CDH19: variants seen among roughly 807,000 people sequenced by gnomAD.
CDH19 encodes the protein cadherin 19, also known as cadherin-19.
Under a neutral mutation model 64.2 loss-of-function variants are expected in CDH19, and 67 were observed. The ratio of observed to expected loss-of-function variants is 1.04; its 90% CI spans 0.86 to 1.28. The LOEUF (loss-of-function observed/expected upper bound fraction) is 1.28, where lower values mean the gene tolerates loss of function less well. Among genes scored for constraint, CDH19 ranks in the 50% most tolerant of loss-of-function variants. The pLI is 0.00. For missense variants in CDH19, 1,030 were observed against 929.0 expected (o/e 1.11, Z -1.41); for synonymous variants, 346 against 319.3 (o/e 1.08, Z -0.89).
In CDH19 at chr18:66,554,358, C is replaced by T. The variant is rs749805126; in HGVS notation, c.610+47G>A. ...AGCAGATAATTTTTGCTGACAATTG[C>T]CTTCTTTAGAATCATGTTAAACTTT... On this transcript the variant is annotated intron_variant, in intron 4 of 11. Coordinates refer to ENST00000262150, the MANE Select transcript of CDH19 (RefSeq NM_021153.4). 8 of 1,595,510 alleles carry T rather than the reference C, an allele frequency of 5.0e-6. No individual in the cohort carries two copies. In the African/African-American group the frequency reaches 5.4e-5, roughly 11 times the overall value.
chr18:66,571,157 A>G (rs2144579234), intron 2 of CDH19, among the ~76,000 whole-genome samples: 1 of 151,632 alleles, frequency 6.6e-6, no homozygotes, highest in East Asian at 1.9e-4. Context: ...ATACTTGCCT[A>G]AAATCCTAAT....
chr18:66,573,631 T>TA (rs58140782), intron 1 of CDH19, among the ~76,000 whole-genome samples: 93,102 of 151,036 alleles, frequency 0.62, 29,631 homozygotes, highest in African/African-American at 0.76. Flanking sequence ...ATGAAAAAGA[T>TA]TTTTTTTATA....
chr18:66,527,693 G>T (rs1986277367), intron 9 of CDH19, among the ~76,000 whole-genome samples: 1 of 151,992 alleles, frequency 6.6e-6, no homozygotes, highest in Admixed American at 6.6e-5. Context: ...CAGGGAGGTT[G>T]CAGTGAGCCA....
At position 66,529,968 on chromosome 18, in the gene CDH19, T is replaced by C; in HGVS notation, c.1337-2A>G. ...TCGAAGAGATCTGTTCTATATTGTC[T>C]GCAATTTGAATATATATAATAAAAA... On this transcript the variant is annotated splice_acceptor_variant, in intron 8 of 11. Coordinates refer to ENST00000262150, the MANE Select transcript of CDH19 (RefSeq NM_021153.4). LOFTEE classifies it high-confidence loss of function. 4 of 1,463,838 alleles carry C rather than the reference T, an allele frequency of 2.7e-6. No homozygotes were observed. Among genetic ancestry groups the C allele is most frequent in the East Asian group, 2.4e-5 (1 of 41,344 alleles). The allele number at this position is 1,463,838 out of a possible 1,614,324, so 90.7% of individuals were successfully genotyped here.
intron 9 of CDH19, among the ~76,000 whole-genome samples, chr18:66,522,411 C>G (rs1041731579): frequency 6.6e-6 from 1 of 152,002 alleles, no homozygotes; most frequent in African/African-American, 2.4e-5. Flanking sequence ...CCACTACGCC[C>G]GGCTAATTTC....
chr18:66,504,728 A>G lies in CDH19; in HGVS notation c.*84T>C. On this transcript the variant is annotated 3_prime_UTR_variant, in exon 12 of 12. Transcript: ENST00000262150. Reference sequence around the variant, plus strand: ...CATAGACTAGGGCTTTCCCCGCCATAGAGCCAGGGCACAAAACTCTTTAAG... The same window carrying G: ...CATAGACTAGGGCTTTCCCCGCCATGGAGCCAGGGCACAAAACTCTTTAAG... 7.1e-7 allele frequency: 1 copy of G among 1,407,812 alleles called. No individual in the cohort carries two copies. Among genetic ancestry groups the G allele is most frequent in the Non-Finnish European group, 9.6e-7 (1 of 1,043,176 alleles). The allele number at this position is 1,407,812 out of a possible 1,614,324, so 87.2% of individuals were successfully genotyped here. A position where few individuals can be genotyped will look rare whatever the true frequency, so the allele number is the denominator to read the frequency against.
chr18:66,529,860 A>T lies in CDH19; in HGVS notation c.1443T>A (p.Asn481Lys). ...GAGTCCTTACCTGACCAGAGCCTGC[A>T]TTTTCACAAACATAAGTCTCATAGT... is the stretch of plus-strand genomic sequence containing the variant. ...SQYYETYVCE[N>K]AGSGQVIQTI... is the part of the protein sequence containing the mutation. The change falls in exon 9 of 12, where the codon AAT (asparagine) becomes AAA (lysine). Residue 481 changes from asparagine to lysine, a missense_variant. Asn to Lys is a moderately conservative substitution (Grantham distance 94). Coordinates refer to ENST00000262150, the MANE Select transcript of CDH19 (RefSeq NM_021153.4). 1 of 1,594,042 alleles carries T rather than the reference A, an allele frequency of 6.3e-7. No homozygotes were observed. The highest frequency in any genetic ancestry group is 8.6e-7 in the Non-Finnish European group (1 of 1,168,816).
rs183896334 is a variant in CDH19 at position 66,512,986 on chromosome 18, C to T, written c.1459-1301G>A. Among the ~76,000 whole-genome samples, 528 of 151,534 alleles carry T rather than the reference C, an allele frequency of 3.5e-3. 1 individual carries two copies. The highest frequency in any genetic ancestry group is 0.012 in the African/African-American group (513 of 41,500). ...TGTGTTCCTATGTCTATTATGTGTT[C>T]CTCATGAAAATATTCTCTTGTTGAG... On this transcript the variant is annotated intron_variant, in intron 9 of 11. Transcript: ENST00000262150.
intron 1 of CDH19, among the ~76,000 whole-genome samples, chr18:66,600,228 T>A (rs568807075): frequency 1.3e-3 from 200 of 152,020 alleles, no homozygotes; most frequent in African/African-American, 4.5e-3. Flanking sequence ...AAATTGTCAA[T>A]AAGTATACAG....
At chr18:66,576,451 A>G (rs1005084066) in intron 1 of CDH19, among the ~76,000 whole-genome samples, 1 of 151,570 alleles carries the variant, frequency 6.6e-6, no homozygotes, top group African/African-American at 2.4e-5. Flanking sequence ...ATCATTTCAT[A>G]ATTATAAATT....
At chr18:66,536,578 T>G (rs1986680372) in intron 7 of CDH19, among the ~76,000 whole-genome samples, 1 of 151,840 alleles carries the variant, frequency 6.6e-6, no homozygotes, top group East Asian at 1.9e-4. Context: ...AATTCACATC[T>G]GTTAGAATTT....
At chr18:66,582,537 C>A (rs1336672822) in intron 1 of CDH19, among the ~76,000 whole-genome samples, 4 of 147,468 alleles carry the variant, frequency 2.7e-5, no homozygotes, top group Non-Finnish European at 4.4e-5. Context: ...TGTGTCAACT[C>A]TTTCTCTAAA....
In CDH19 at chr18:66,553,025, CT is replaced by C. The variant is rs1987398080; in HGVS notation, c.610+1379del. Among the ~76,000 whole-genome samples the C allele has an allele frequency of 1.5e-5, 2 of 134,172 alleles. 1 individual carries two copies. The highest frequency in any genetic ancestry group is 6.9e-5 in the African/African-American group (2 of 28,912). 88.0% of individuals were successfully genotyped at this position (134,172 alleles called of 152,430 possible). On this transcript the variant is annotated intron_variant, in intron 4 of 11. Transcript: ENST00000262150. The stretch of plus-strand genomic sequence containing the variant: ...TTGTCTACAGACTCAGCTAAACTTT[CT>C]GATTTCCGTGTATTCTGCCTTGACC...
At chr18:66,541,501 C>T (rs1334699251) in intron 7 of CDH19, among the ~76,000 whole-genome samples, 2 of 151,668 alleles carry the variant, frequency 1.3e-5, no homozygotes, top group Non-Finnish European at 2.9e-5. Context: ...TAAAGAAAAC[C>T]AAAAAGAAGC....
intron 3 of CDH19, among the ~76,000 whole-genome samples, chr18:66,559,145 C>A (rs1448636632): frequency 6.6e-6 from 1 of 151,966 alleles, no homozygotes; most frequent in Non-Finnish European, 1.5e-5. Context: ...ATTGTTTACA[C>A]AGGCCATATC....
intron 1 of CDH19, among the ~76,000 whole-genome samples, chr18:66,599,275 TG>T (rs1166747410): frequency 2.6e-4 from 40 of 152,224 alleles, no homozygotes; most frequent in African/African-American, 8.9e-4. Flanking sequence ...GAGCTGTGTA[TG>T]AAGAATGACT....
At chr18:66,597,604 C>A (rs796851157) in intron 1 of CDH19, among the ~76,000 whole-genome samples, 52 of 152,120 alleles carry the variant, frequency 3.4e-4, no homozygotes, top group African/African-American at 1.3e-3. Context: ...ACATGTGGGA[C>A]CTAATCAAAC....
intron 8 of CDH19, among the ~76,000 whole-genome samples, chr18:66,531,216 T>C (rs1466099459): frequency 2.6e-5 from 4 of 152,172 alleles, no homozygotes; most frequent in African/African-American, 9.6e-5. Flanking sequence ...ATTCCAGAGT[T>C]ATTTGCATTA....
intron 9 of CDH19, among the ~76,000 whole-genome samples, chr18:66,519,961 G>A (rs1202018845): frequency 6.6e-6 from 1 of 151,962 alleles, no homozygotes; most frequent in African/African-American, 2.4e-5. Flanking sequence ...CGAGGCAGGC[G>A]GATCACGAGG....
Sources: allele counts gnomAD v4.1 joint callset (sites outside exome capture counted in the v4.1 genomes callset), GRCh38; gene constraint gnomAD v4.1.1; transcripts MANE v1.5; gene names NCBI Gene and HGNC (gene_info 2026-07-23, HGNC 2026-07-21).